The following LRRC4B variants were observed in gnomAD, a reference collection of about 807,000 sequenced individuals.
LRRC4B encodes leucine rich repeat containing 4B, also known as leucine-rich repeat-containing protein 4B.
Under a neutral mutation model 7.3 loss-of-function variants are expected in LRRC4B, and 1 was observed. The observed-to-expected ratio is 0.14, with a 90% confidence interval of 0.05 to 0.65. The LOEUF is 0.65. Among genes scored for constraint, LRRC4B ranks in the 30% least tolerant of loss-of-function variants. The pLI, the probability that LRRC4B is intolerant of heterozygous loss-of-function variation, is 0.84. For synonymous variants in LRRC4B, 500 were observed against 499.2 expected (o/e 1.00, Z -0.02); for missense variants, 730 against 1,041.6 (o/e 0.70, Z 4.12).
At chr19:50,558,154 G>T (rs757386422) in intron 1 of LRRC4B, among the ~76,000 whole-genome samples, 9 of 151,858 alleles carry the variant, frequency 5.9e-5, no homozygotes, top group Non-Finnish European at 7.4e-5. Flanking sequence ...TGCACAGGGG[G>T]CTGGCACCCC....
Position 50,518,154 on chromosome 19 carries a change from C to A in LRRC4B, c.1559G>T (p.Gly520Val). 4 of 1,605,572 alleles carry A rather than the reference C, an allele frequency of 2.5e-6. No homozygotes were observed. The highest frequency in any genetic ancestry group is 3.4e-6 in the Non-Finnish European group (4 of 1,178,114). Residue 520 changes from glycine to valine, a missense_variant, in exon 3 of 3, where the codon GGT becomes GTT. Around this residue, in one of 6 missense-constraint regions of LRRC4B, gnomAD observed 192 missense variants for 228.6 expected, o/e 0.84. Transcript: ENST00000652263. ...EKEPPGPTTD[G>V]VWGGGRPGDA... ...CCCAGGCCGGCCCCCACCCCAGACA[C>A]CGTCTGTCGTGGGCCCTGGCGGTTC...
chr19:50,522,066 T>A (rs562961192), intron 2 of LRRC4B, among the ~76,000 whole-genome samples: 76 of 152,206 alleles, frequency 5.0e-4, no homozygotes, highest in Non-Finnish European at 4.3e-4. Context: ...TGGTCCCAGC[T>A]ACTCAGAAGG....
At chr19:50,567,134 G>A (rs1261346623) in intron 1 of LRRC4B, among the ~76,000 whole-genome samples, 8 of 151,252 alleles carry the variant, frequency 5.3e-5, no homozygotes, top group Admixed American at 5.3e-4. Context: ...GCAAATGGGG[G>A]GCGGGGGTCT....
At chr19:50,535,862 C>G (rs950352831) in intron 2 of LRRC4B, among the ~76,000 whole-genome samples, 1 of 152,238 alleles carries the variant, frequency 6.6e-6, no homozygotes, top group Non-Finnish European at 1.5e-5. Flanking sequence ...CGCCTCCCAC[C>G]CTTCCCCACC....
Position 50,538,120 on chromosome 19 carries a change from C to T in LRRC4B, c.297+10422G>A, listed in dbSNP as rs547335484. Among the ~76,000 whole-genome samples the T allele has an allele frequency of 1.5e-3, 185 of 124,876 alleles. 2 individuals are homozygous for T. Among genetic ancestry groups the T allele is most frequent in the African/African-American group, 6.5e-3 (173 of 26,600 alleles). 81.9% of individuals were successfully genotyped at this position (124,876 alleles called of 152,430 possible). The stretch of plus-strand genomic sequence containing the variant: ...TGTTGCCCAGGCTGGAGTGCAGTGG[C>T]ACAATCTCAGCTCACTGCAACCTAC... On this transcript the variant is annotated intron_variant, in intron 2 of 2. Transcript: ENST00000652263.
At position 50,542,469 on chromosome 19, in the gene LRRC4B, ATTT is replaced by A. The variant is rs58092334; in HGVS notation, c.297+6070_297+6072del. Reference sequence around the variant, plus strand: ...GGGGCAGGGCCTCAGAGAATTGCTGATTTTTTTTTTTTTTTTTTTTTTTTTGAG... The same window carrying A: ...GGGGCAGGGCCTCAGAGAATTGCTGATTTTTTTTTTTTTTTTTTTTTTGAG... On this transcript the variant is annotated intron_variant, in intron 2 of 2. Coordinates refer to ENST00000652263, the MANE Select transcript of LRRC4B (RefSeq NM_001080457.2). Among the ~76,000 whole-genome samples the A allele has an allele frequency of 6.2e-3, 662 of 107,154 alleles. 2 individuals carry two copies. The highest frequency in any genetic ancestry group is 9.3e-3 in the Non-Finnish European group (507 of 54,268). 70.3% of individuals were successfully genotyped at this position (107,154 alleles called of 152,430 possible).
chr19:50,551,432 G>T (rs1312317280), intron 1 of LRRC4B, among the ~76,000 whole-genome samples: 1 of 139,790 alleles, frequency 7.2e-6, no homozygotes, highest in African/African-American at 2.7e-5. Flanking sequence ...CTCCCCGCTC[G>T]CCTCCTCCGG....
intron 2 of LRRC4B, among the ~76,000 whole-genome samples, chr19:50,525,740 T>G (rs1980781600): frequency 6.6e-6 from 1 of 152,012 alleles, no homozygotes; most frequent in South Asian, 2.1e-4. Context: ...GACTGCATCC[T>G]TTCCCGCAGA....
intron 2 of LRRC4B, among the ~76,000 whole-genome samples, chr19:50,525,578 G>A (rs898744588): frequency 7.8e-6 from 1 of 127,662 alleles, no homozygotes; most frequent in Non-Finnish European, 1.7e-5. Context: ...GCTAATTTTT[G>A]TATTTTTTTT....
chr19:50,565,560 T>C lies in LRRC4B; in HGVS notation c.-36+2384A>G, dbSNP rs979784647. Among the ~76,000 whole-genome samples the C allele has an allele frequency of 4.7e-5, 7 of 149,202 alleles. 1 individual carries two copies. The highest frequency in any genetic ancestry group is 1.7e-4 in the African/African-American group (7 of 40,338). On this transcript the variant is annotated intron_variant, in intron 1 of 2. Coordinates refer to ENST00000652263, the MANE Select transcript of LRRC4B (RefSeq NM_001080457.2). Reference sequence around the variant, plus strand: ...GTGTGTGTGTGTGTGTGTGTGTGTGTGTACCTGCCAGGGGAATCTTTGCCT... The same window carrying C: ...GTGTGTGTGTGTGTGTGTGTGTGTGCGTACCTGCCAGGGGAATCTTTGCCT...
At chr19:50,533,852 A>C (rs1308350876) in intron 2 of LRRC4B, among the ~76,000 whole-genome samples, 1 of 152,186 alleles carries the variant, frequency 6.6e-6, no homozygotes, top group Admixed American at 6.6e-5. Context: ...TCAGAGAAGT[A>C]AAGTCACTTG....
chr19:50,544,792 T>C (rs935904996), intron 2 of LRRC4B, among the ~76,000 whole-genome samples: 7 of 152,162 alleles, frequency 4.6e-5, no homozygotes, highest in Admixed American at 2.6e-4. Flanking sequence ...AGGTGGTTTA[T>C]ACCTGTAATC....
rs1982183665 is a variant in LRRC4B, at chr19:50,553,856, G to A, written c.-35-4983C>T. The stretch of plus-strand genomic sequence containing the variant: ...CTATTTCCCCCCACGCTCACACACA[G>A]ATACCCCCACTCTCCGTTCTGCACA... On this transcript the variant is annotated intron_variant, in intron 1 of 2. Coordinates refer to ENST00000652263, the MANE Select transcript of LRRC4B (RefSeq NM_001080457.2). The surrounding 1 kb of genome is among the most constrained non-coding windows in gnomAD (Gnocchi z 4.2). Among the ~76,000 whole-genome samples, 1 of 151,776 alleles carries A rather than the reference G, an allele frequency of 6.6e-6. No individual in the cohort carries two copies. Among genetic ancestry groups the A allele is most frequent in the Admixed American group, 6.6e-5 (1 of 15,212 alleles).
At chr19:50,554,951 G>C (rs1172122643) in intron 1 of LRRC4B, among the ~76,000 whole-genome samples, 1 of 152,154 alleles carries the variant, frequency 6.6e-6, no homozygotes. Flanking sequence ...GTGTGTGGGG[G>C]GCAGGGTGCA....
chr19:50,564,878 C>G (rs1261122221), intron 1 of LRRC4B, among the ~76,000 whole-genome samples: 4 of 47,148 alleles, frequency 8.5e-5, no homozygotes, highest in Non-Finnish European at 2.5e-4. Flanking sequence ...AGCGGCCACC[C>G]CCGCCCCCAA....
chr19:50,553,245 C>T lies in LRRC4B; in HGVS notation c.-35-4372G>A, dbSNP rs990892544. Among the ~76,000 whole-genome samples, 23 of 152,272 alleles carry T rather than the reference C, an allele frequency of 1.5e-4. No individual in the cohort carries two copies. The highest frequency in any genetic ancestry group is 5.8e-4 in the East Asian group (3 of 5,174). On this transcript the variant is annotated intron_variant, in intron 1 of 2. Coordinates refer to ENST00000652263, the MANE Select transcript of LRRC4B (RefSeq NM_001080457.2). The surrounding 1 kb of genome is among the most constrained non-coding windows in gnomAD (Gnocchi z 4.2). ...TCTGCCTTCACCCCCACTCCCCGTG[C>T]GTTCCCCACGGGCAGCGAGGGGTAT...
intron 2 of LRRC4B, among the ~76,000 whole-genome samples, chr19:50,520,553 C>A (rs897828338): frequency 1.3e-5 from 2 of 151,496 alleles, no homozygotes; most frequent in African/African-American, 4.9e-5. Flanking sequence ...TCACTTGAAC[C>A]TGGGAGGCAG....
rs1336188355 is a variant in LRRC4B at position 50,518,120 on chromosome 19, G to A, written c.1593C>T (p.Ala531=). ...VWGGGRPGDA[A]GPASSSTTAP... The stretch of plus-strand genomic sequence containing the variant: ...CCGTGGTAGAAGACGAGGCAGGGCC[G>A]GCCGCGTCCCCAGGCCGGCCCCCAC... Residue 531 remains alanine, a synonymous_variant, in exon 3 of 3, where the codon GCC becomes GCT. Coordinates refer to ENST00000652263, the MANE Select transcript of LRRC4B (RefSeq NM_001080457.2). 5.0e-6 allele frequency: 8 copies of A among 1,593,128 alleles called. No individual in the cohort carries two copies. The highest frequency in any genetic ancestry group is 4.5e-5 in the East Asian group (2 of 44,558).
At chr19:50,531,519 T>A (rs555518168) in intron 2 of LRRC4B, among the ~76,000 whole-genome samples, 6 of 152,210 alleles carry the variant, frequency 3.9e-5, no homozygotes, top group Non-Finnish European at 8.8e-5. Context: ...ATCACTTTAA[T>A]AATGCAGTTG....
Sources: allele counts gnomAD v4.1 joint callset (sites outside exome capture counted in the v4.1 genomes callset), GRCh38; gene constraint gnomAD v4.1.1; regional missense constraint gnomAD v4.1.1; non-coding constraint Gnocchi (gnomAD v3.1); transcripts MANE v1.5; gene names NCBI Gene and HGNC (gene_info 2026-07-23, HGNC 2026-07-21).